ANKRD6: variants seen among roughly 807,000 people sequenced by gnomAD.
The protein encoded by ANKRD6 is ankyrin repeat domain-containing protein 6.
In ANKRD6, 56 loss-of-function variants were observed where a neutral mutation model predicts 82.3. The observed-to-expected ratio is 0.68, with a 90% CI of 0.55 to 0.85. The LOEUF (loss-of-function observed/expected upper bound fraction) is 0.85. Ranked by LOEUF, ANKRD6 falls within the 40% of genes least tolerant of loss-of-function variation. The probability of loss-of-function intolerance (pLI) is 0.00; values close to 1 mark genes in which losing one functional copy is unlikely to be tolerated. For synonymous variants in ANKRD6, 347 were observed against 352.1 expected (o/e 0.99, Z 0.16); for missense variants, 852 against 907.6 (o/e 0.94, Z 0.79).
At position 89,529,438 on chromosome 6, in the gene ANKRD6, A is replaced by AT. The variant is rs139953511; in HGVS notation, c.-143-37394dup. Among the ~76,000 whole-genome samples, 1,252 of 152,196 alleles carry AT rather than the reference A, an allele frequency of 8.2e-3. 24 individuals carry two copies. The highest frequency in any genetic ancestry group is 0.029 in the African/African-American group (1,209 of 41,514). ...GAAGAGAGTTAGGGCTGTGCTCTGG[A>AT]TTAGGTTTGGTTCAAGGGAATGTTG... On this transcript the variant is annotated intron_variant, in intron 1 of 15. Coordinates refer to ENST00000339746, the MANE Select transcript of ANKRD6 (RefSeq NM_001242809.2).
intron 3 of ANKRD6, 46 bp from the exon 4 acceptor site, chr6:89,602,983 G>A (rs1797584817): frequency 6.7e-7 from 1 of 1,489,756 alleles, no homozygotes; most frequent in Non-Finnish European, 9.2e-7. Flanking sequence ...CAAGCAGGGG[G>A]TGCAGGGGAG....
At chr6:89,626,517 C>T (rs1425089271) in intron 13 of ANKRD6, among the ~76,000 whole-genome samples, 1 of 152,140 alleles carries the variant, frequency 6.6e-6, no homozygotes, top group Non-Finnish European at 1.5e-5. Context: ...AGGAGGAGCA[C>T]AGGTCACAGG....
At chr6:89,490,052 C>T (rs935670464) in intron 1 of ANKRD6, among the ~76,000 whole-genome samples, 4 of 152,178 alleles carry the variant, frequency 2.6e-5, no homozygotes, top group East Asian at 3.9e-4. Flanking sequence ...CCAAGAGTCA[C>T]CTTTTATTTT....
chr6:89,538,362 C>T lies in ANKRD6; in HGVS notation c.-143-28472C>T, dbSNP rs1049053701. Among the ~76,000 whole-genome samples, 3 of 152,144 alleles carry T rather than the reference C, an allele frequency of 2.0e-5. No individual in the cohort carries two copies. The East Asian group carries it at 5.8e-4, about 29-fold the overall frequency. On this transcript the variant is annotated intron_variant, in intron 1 of 15. Coordinates refer to ENST00000339746, the MANE Select transcript of ANKRD6 (RefSeq NM_001242809.2). ...TTGACAGTAAATGTTTAGAAACTTA[C>T]AGCAATTTGACATTGCTGCAACATC...
At chr6:89,462,268 ATAAATAC>A (rs1237375192) in intron 1 of ANKRD6, among the ~76,000 whole-genome samples, 1 of 148,910 alleles carries the variant, frequency 6.7e-6, no homozygotes, top group Non-Finnish European at 1.5e-5. Context: ...AATAATAATA[ATAAATAC>A]ATAAATAAAA....
chr6:89,480,941 C>CAAAAAA (rs372393432), intron 1 of ANKRD6, among the ~76,000 whole-genome samples: 7,898 of 92,870 alleles, frequency 0.085, 660 homozygotes, highest in African/African-American at 0.11. Flanking sequence ...GACCCTGTCT[C>CAAAAAA]AAAAAAAAAA....
intron 12 of ANKRD6, 86 bp downstream of exon 12, chr6:89,624,143 A>C (rs1804712851): frequency 7.1e-7 from 1 of 1,403,626 alleles, no homozygotes. Flanking sequence ...GCTGATAGGC[A>C]CTTTAGGCAT....
intron 1 of ANKRD6, among the ~76,000 whole-genome samples, chr6:89,443,245 G>A (rs1159801816): frequency 6.6e-6 from 1 of 152,130 alleles, no homozygotes; most frequent in Non-Finnish European, 1.5e-5. Flanking sequence ...CTATTTTTCA[G>A]GTTTCTTTGG....
chr6:89,532,366 G>A (rs1053086308), intron 1 of ANKRD6, among the ~76,000 whole-genome samples: 7 of 152,068 alleles, frequency 4.6e-5, no homozygotes, highest in Non-Finnish European at 7.4e-5. Context: ...GGCTTTGTAC[G>A]TGCTGTTTAT....
Position 89,621,928 on chromosome 6 carries a change from C to T in ANKRD6, c.799C>T (p.Arg267Cys), listed in dbSNP as rs569364324. Residue 267 changes from arginine (R) to cysteine (C), a missense_variant, in exon 10 of 16, where the codon CGC (arginine) becomes TGC (cysteine). Transcript: ENST00000339746. ...TGCCGTTTGCCTCCTTCAGGTCTTGCGCTTCAGTCGTGGGCGAAGCCTGAG... is the reference window on the plus strand; with the variant it reads ...TGCCGTTTGCCTCCTTCAGGTCTTGTGCTTCAGTCGTGGGCGAAGCCTGAG... ...LLLTKAPQVLRFSRGRSLRKK... is the reference protein window; with the variant it reads ...LLLTKAPQVLCFSRGRSLRKK... 72 of 1,613,914 alleles carry T rather than the reference C, an allele frequency of 4.5e-5. No individual in the cohort carries two copies. Among genetic ancestry groups the T allele is most frequent in the East Asian group, 2.7e-4 (12 of 44,868 alleles).
intron 2 of ANKRD6, among the ~76,000 whole-genome samples, chr6:89,589,229 T>A (rs904567672): frequency 4.6e-5 from 7 of 151,596 alleles, no homozygotes; most frequent in Non-Finnish European, 1.0e-4. Context: ...CTGGCTGGAG[T>A]GATGAGGGAC....
intron 1 of ANKRD6, among the ~76,000 whole-genome samples, chr6:89,524,508 CG>C (rs1782233512): frequency 6.6e-6 from 1 of 152,070 alleles, no homozygotes; most frequent in African/African-American, 2.4e-5. Flanking sequence ...AACAAAATAA[CG>C]ACATTCGCAG....
chr6:89,556,674 G>T (rs757025928), intron 1 of ANKRD6, among the ~76,000 whole-genome samples: 1 of 152,208 alleles, frequency 6.6e-6, no homozygotes, highest in Non-Finnish European at 1.5e-5. Context: ...GGCAGTGGCA[G>T]TACAGCTAAA....
intron 9 of ANKRD6, 181 bp downstream of exon 9, chr6:89,618,212 C>G (rs1802102376): frequency 4.1e-6 from 3 of 734,354 alleles, no homozygotes; most frequent in Non-Finnish European, 7.3e-6. Context: ...TCAAGTCCAG[C>G]TCTTCGTGTT....
At chr6:89,610,517 T>C (rs1799953130) in intron 5 of ANKRD6, among the ~76,000 whole-genome samples, 1 of 152,198 alleles carries the variant, frequency 6.6e-6, no homozygotes, top group Admixed American at 6.5e-5. Flanking sequence ...ATTTTCTTGG[T>C]GCAAATGCTT....
chr6:89,479,300 C>T lies in ANKRD6; in HGVS notation c.-144+45925C>T, dbSNP rs528852376. 8.5e-5 allele frequency among the ~76,000 whole-genome samples: 13 copies of T among 152,250 alleles called. No homozygotes were observed. The South Asian group carries it at 2.1e-3, about 24-fold the overall frequency. ...CTGTTATTGGACACTAGGATGTTTCCGGTTATTCATTTTTACAAATGAGAA... is the reference window on the plus strand; with the variant it reads ...CTGTTATTGGACACTAGGATGTTTCTGGTTATTCATTTTTACAAATGAGAA... On this transcript the variant is annotated intron_variant, in intron 1 of 15. Transcript: ENST00000339746.
chr6:89,629,862 A>T (rs983510501), intron 15 of ANKRD6, among the ~76,000 whole-genome samples: 18 of 152,166 alleles, frequency 1.2e-4, no homozygotes, highest in Admixed American at 6.5e-4. Flanking sequence ...CTGTGGTTTC[A>T]TCTTTGTGTC....
intron 1 of ANKRD6, among the ~76,000 whole-genome samples, chr6:89,454,110 C>T (rs1773223368): frequency 6.6e-6 from 1 of 152,112 alleles, no homozygotes; most frequent in Non-Finnish European, 1.5e-5. Flanking sequence ...GCAAGAGTTC[C>T]TTTAATGCGA....
In ANKRD6 at chr6:89,632,331, A is replaced by G. The variant is rs1807567373; in HGVS notation, c.*1327A>G. On this transcript the variant is annotated 3_prime_UTR_variant, in exon 16 of 16. Transcript: ENST00000339746. ...AGTTTTAGGGTTTTTTCTTTTTTTTATAGTGACAATCCATAGATATAGACA... is the reference window on the plus strand; with the variant it reads ...AGTTTTAGGGTTTTTTCTTTTTTTTGTAGTGACAATCCATAGATATAGACA... 1 of 149,936 alleles carries G rather than the reference A, an allele frequency of 6.7e-6. No homozygotes were observed. Among genetic ancestry groups the G allele is most frequent in the Admixed American group, 6.7e-5 (1 of 14,878 alleles). 9.3% of individuals were successfully genotyped at this position (149,936 alleles called of 1,614,324 possible).
Sources: allele counts gnomAD v4.1 joint callset (sites outside exome capture counted in the v4.1 genomes callset), GRCh38; gene constraint gnomAD v4.1.1; transcripts MANE v1.5; gene names NCBI Gene and HGNC (gene_info 2026-07-23, HGNC 2026-07-21).